NBN: variants seen among roughly 807,000 people sequenced by gnomAD.
The protein encoded by NBN is nibrin.
In NBN, 88 loss-of-function variants were observed where a neutral mutation model predicts 90.8. The observed-to-expected ratio is 0.97, with a 90% CI of 0.82 to 1.16. The LOEUF (loss-of-function observed/expected upper bound fraction) is 1.16. Ranked by LOEUF, NBN falls within the 50% of genes most tolerant of loss-of-function variation. NBN has a pLI of 0.00. For synonymous variants in NBN, 328 were observed against 295.1 expected (o/e 1.11, Z -1.14); for missense variants, 894 against 869.6 (o/e 1.03, Z -0.35).
At chr8:89,972,765 A>G (rs1475967228) in intron 5 of NBN, among the ~76,000 whole-genome samples, 1 of 152,232 alleles carries the variant, frequency 6.6e-6, no homozygotes, top group East Asian at 1.9e-4. Flanking sequence ...ACACTAGGAC[A>G]GATTACAGAG....
chr8:89,946,242 C>A lies in NBN; in HGVS notation c.1968G>T (p.Leu656Phe). The A allele has an allele frequency of 6.3e-7, 1 of 1,587,998 alleles. No individual in the cohort carries two copies. The highest frequency in any genetic ancestry group is 8.6e-7 in the Non-Finnish European group (1 of 1,156,706). ...TAATCACCAGTGATCTAAATTCAGT[C>A]AATAACAGCTTTTTTGGAAGCATCT... ...DSEMLPKKLL[L>F]TEFRSLVIKN... The change falls in exon 13 of 16, where the codon TTG (leucine) becomes TTT (phenylalanine). Residue 656 changes from leucine (L) to phenylalanine (F), a missense_variant. Transcript: ENST00000265433.
intron 7 of NBN, among the ~76,000 whole-genome samples, chr8:89,967,838 G>A (rs922742849): frequency 3.3e-5 from 5 of 152,130 alleles, no homozygotes; most frequent in African/African-American, 1.2e-4. Context: ...GTTGAAGTTC[G>A]GTCAATAGCT....
rs786203131 is a variant in NBN at position 89,955,367 on chromosome 8, C to T, written c.1313G>A (p.Ser438Asn). ...NYQLSPTKLPSINKSKDRASQ... is the reference protein window; with the variant it reads ...NYQLSPTKLPNINKSKDRASQ... ...AGCCCTATCTTTACTTTTATTTATACTTGGCAATTTAGTTGGTGAAAGCTG... is the reference window on the plus strand; with the variant it reads ...AGCCCTATCTTTACTTTTATTTATATTTGGCAATTTAGTTGGTGAAAGCTG... Residue 438 changes from serine to asparagine, a missense_variant, in exon 10 of 16, where the codon AGT becomes AAT. Transcript: ENST00000265433. The T allele has an allele frequency of 3.1e-6, 5 of 1,613,686 alleles. No homozygotes were observed. The highest frequency in any genetic ancestry group is 2.2e-5 in the East Asian group (1 of 44,874).
At chr8:89,982,958 T>C (rs930959942) in intron 1 of NBN, 103 bp from the exon 2 acceptor site, 2 of 1,225,076 alleles carry the variant, frequency 1.6e-6, no homozygotes, top group Admixed American at 1.9e-5. Context: ...GTATGACAAA[T>C]ATTAAATAAA....
rs587782290 is a variant in NBN at position 89,982,718 on chromosome 8, A to T, written c.171+4T>A. 1.2e-6 allele frequency: 2 copies of T among 1,612,104 alleles called. No homozygotes were observed. The highest frequency in any genetic ancestry group is 1.7e-6 in the Non-Finnish European group (2 of 1,178,218). On this transcript the variant is annotated splice_donor_region_variant and intron_variant, in intron 2 of 15. Coordinates refer to ENST00000265433, the MANE Select transcript of NBN (RefSeq NM_002485.5). ...AAACTAGTGAAATAAAATTAGTAAC[A>T]TACCAGGTTGGTTACAGAAAAGTTA...
At chr8:89,948,571 AC>A (rs200407434) in intron 11 of NBN, among the ~76,000 whole-genome samples, 6,470 of 152,270 alleles carry the variant, frequency 0.042, 268 homozygotes, top group East Asian at 0.19. Context: ...TTCAGTAAAA[AC>A]TACAATTCTC....
intron 15 of NBN, among the ~76,000 whole-genome samples, chr8:89,935,907 T>C (rs1178369493): frequency 6.6e-6 from 1 of 152,172 alleles, no homozygotes; most frequent in Non-Finnish European, 1.5e-5. Context: ...CACTTCTTTC[T>C]GTATGGCTTC....
At chr8:89,973,324 T>C (rs1442380441) in intron 5 of NBN, among the ~76,000 whole-genome samples, 4 of 152,254 alleles carry the variant, frequency 2.6e-5, no homozygotes, top group African/African-American at 9.6e-5. Flanking sequence ...CCCTCAAGTA[T>C]AGATTTAAGT....
At chr8:89,940,018 A>T (rs1809865891) in intron 14 of NBN, among the ~76,000 whole-genome samples, 1 of 152,184 alleles carries the variant, frequency 6.6e-6, no homozygotes, top group East Asian at 1.9e-4. Flanking sequence ...TGTGCCACTG[A>T]CTGTTTCAGC....
intron 9 of NBN, among the ~76,000 whole-genome samples, chr8:89,958,476 T>C (rs1810833908): frequency 6.6e-6 from 1 of 152,200 alleles, no homozygotes; most frequent in African/African-American, 2.4e-5. Flanking sequence ...TATGGCCACT[T>C]TCATGCTACA....
intron 7 of NBN, among the ~76,000 whole-genome samples, chr8:89,970,066 T>A (rs1015507360): frequency 6.6e-6 from 1 of 152,196 alleles, no homozygotes; most frequent in Non-Finnish European, 1.5e-5. Context: ...CTGGCCTACA[T>A]GGCAAAACCC....
intron 12 of NBN, among the ~76,000 whole-genome samples, chr8:89,947,434 A>G (rs1253310469): frequency 2.0e-5 from 3 of 152,142 alleles, no homozygotes; most frequent in African/African-American, 7.2e-5. Flanking sequence ...GTTCCAGACC[A>G]GCCTGACCAA....
intron 14 of NBN, among the ~76,000 whole-genome samples, chr8:89,941,219 C>T (rs1463601428): frequency 6.6e-6 from 1 of 152,046 alleles, no homozygotes; most frequent in African/African-American, 2.4e-5. Context: ...ATCAAAACAG[C>T]ATACTATATG....
chr8:89,942,721 A>G (rs1331671492), intron 14 of NBN, among the ~76,000 whole-genome samples: 1 of 152,110 alleles, frequency 6.6e-6, no homozygotes, highest in Non-Finnish European at 1.5e-5. Flanking sequence ...GTTGCCAAAA[A>G]TATAACCCAG....
At chr8:89,977,588 C>T (rs1811826404) in intron 5 of NBN, among the ~76,000 whole-genome samples, 2 of 152,086 alleles carry the variant, frequency 1.3e-5, no homozygotes, top group African/African-American at 2.4e-5. Context: ...GGGTATATAC[C>T]CAGTAATGGG....
At position 89,980,714 on chromosome 8, in the gene NBN, G is replaced by A. The variant is rs371204291; in HGVS notation, c.480+20C>T. The A allele has an allele frequency of 6.3e-7, 1 of 1,593,236 alleles. No homozygotes were observed. Among genetic ancestry groups the A allele is most frequent in the Non-Finnish European group, 8.6e-7 (1 of 1,161,728 alleles). On this transcript the variant is annotated intron_variant, in intron 4 of 15. Transcript: ENST00000265433. ...TTCAAATAACTTATTTTTAACATAAGAACAAGACATTCAACCTACTTTAAT... is the reference window on the plus strand; with the variant it reads ...TTCAAATAACTTATTTTTAACATAAAAACAAGACATTCAACCTACTTTAAT...
At chr8:89,937,140 T>C (rs1809730071) in intron 14 of NBN, 65 bp from the exon 15 acceptor site, 3 of 1,434,588 alleles carry the variant, frequency 2.1e-6, no homozygotes, top group Non-Finnish European at 2.0e-6. Context: ...TGAATTGCTA[T>C]AGTGATAGGT....
chr8:89,982,117 T>C, intron 2 of NBN: 1 of 306,286 alleles, frequency 3.3e-6, no homozygotes. Flanking sequence ...TTATCATGAG[T>C]ACAGATATTC....
At chr8:89,960,948 T>C (rs1214504295) in intron 8 of NBN, among the ~76,000 whole-genome samples, 1 of 152,236 alleles carries the variant, frequency 6.6e-6, no homozygotes, top group Non-Finnish European at 1.5e-5. Context: ...CAGAGGACTA[T>C]GACTTGGAAC....
Sources: gnomAD v4.1 joint callset for allele counts (sites outside exome capture counted in the v4.1 genomes callset) on GRCh38, gnomAD v4.1.1 for gene constraint, MANE v1.5 for transcripts, NCBI Gene and HGNC (gene_info 2026-07-23, HGNC 2026-07-21) for gene names.